Variants in TMTC2 observed in about 807,000 individuals in gnomAD.
TMTC2 encodes the protein protein O-mannosyl-transferase TMTC2.
Under a neutral mutation model 82.4 loss-of-function variants are expected in TMTC2, and 43 were observed. The observed-to-expected ratio is 0.52, with a 90% CI of 0.41 to 0.67. The LOEUF (loss-of-function observed/expected upper bound fraction) is 0.67. Ranked by LOEUF, TMTC2 falls within the 30% of genes least tolerant of loss-of-function variation. The probability of loss-of-function intolerance (pLI) is 0.00; values close to 1 mark genes in which losing one functional copy is unlikely to be tolerated. For synonymous variants in TMTC2, 408 were observed against 381.9 expected (o/e 1.07, Z -0.80); for missense variants, 919 against 1,012.4 (o/e 0.91, Z 1.25).
intron 1 of TMTC2, among the ~76,000 whole-genome samples, chr12:82,836,540 G>C (rs2137083221): frequency 6.6e-6 from 1 of 152,264 alleles, no homozygotes; most frequent in Non-Finnish European, 1.5e-5. Context: ...CTATAAGCCG[G>C]AAAAGGCAAG....
rs564654839 is a variant in TMTC2, at chr12:83,079,084, C to G, written c.2331+17253C>G. Among the ~76,000 whole-genome samples the G allele has an allele frequency of 4.6e-5, 7 of 152,084 alleles. No homozygotes were observed. The East Asian group carries it at 1.4e-3, about 29-fold the overall frequency. On this transcript the variant is annotated intron_variant, in intron 11 of 11. Transcript: ENST00000321196. Reference sequence around the variant, plus strand: ...ACTACAAAAAATTAATTGCTTAGATCACAGGAAGAGATGAGAACAGGTCTC... The same window carrying G: ...ACTACAAAAAATTAATTGCTTAGATGACAGGAAGAGATGAGAACAGGTCTC...
chr12:83,123,675 A>G (rs1002466566), intron 11 of TMTC2, among the ~76,000 whole-genome samples: 87 of 152,312 alleles, frequency 5.7e-4, no homozygotes, highest in African/African-American at 2.0e-3. Context: ...TAATCCCCAA[A>G]TTAATTGAAA....
rs1171177056 is a variant in TMTC2, at chr12:82,966,264, A to G, written c.1869+520A>G. Among the ~76,000 whole-genome samples, 4 of 152,128 alleles carry G rather than the reference A, an allele frequency of 2.6e-5. No individual in the cohort carries two copies. The East Asian group carries it at 7.7e-4, about 29-fold the overall frequency. ...TTTTATTATTTCTTAACTGAGGGAA[A>G]AGAAACAGTGGTGTAACAGGATGTT... On this transcript the variant is annotated intron_variant, in intron 6 of 11. Coordinates refer to ENST00000321196, the MANE Select transcript of TMTC2 (RefSeq NM_152588.3).
At chr12:82,741,507 T>C (rs1250464762) in intron 1 of TMTC2, among the ~76,000 whole-genome samples, 2 of 152,088 alleles carry the variant, frequency 1.3e-5, no homozygotes, top group East Asian at 1.9e-4. Flanking sequence ...GATGGGGTTT[T>C]ACCATGTTGG....
chr12:83,038,585 G>C (rs1194283080), intron 9 of TMTC2, among the ~76,000 whole-genome samples: 1 of 151,924 alleles, frequency 6.6e-6, no homozygotes, highest in Non-Finnish European at 1.5e-5. Context: ...AATCAAATGG[G>C]ATTATTTCCA....
intron 1 of TMTC2, among the ~76,000 whole-genome samples, chr12:82,794,348 T>G (rs759320322): frequency 6.6e-6 from 1 of 152,100 alleles, no homozygotes; most frequent in Non-Finnish European, 1.5e-5. Context: ...CTTCCCCATC[T>G]ACCAACTCAC....
At chr12:82,785,350 C>T (rs1878125355) in intron 1 of TMTC2, among the ~76,000 whole-genome samples, 1 of 143,762 alleles carries the variant, frequency 7.0e-6, no homozygotes, top group Non-Finnish European at 1.5e-5. Context: ...CCAAAATAAA[C>T]AAACAACCCC....
chr12:83,122,178 A>G (rs375166888), intron 11 of TMTC2, among the ~76,000 whole-genome samples: 1 of 151,416 alleles, frequency 6.6e-6, no homozygotes, highest in Non-Finnish European at 1.5e-5. Flanking sequence ...CTATGAAAGC[A>G]AGTTTCGCCG....
chr12:82,729,725 C>T (rs1347190600), intron 1 of TMTC2, among the ~76,000 whole-genome samples: 1 of 152,198 alleles, frequency 6.6e-6, no homozygotes, highest in Non-Finnish European at 1.5e-5. Flanking sequence ...TAAAAGCAGG[C>T]TGCCCAAGCT....
At chr12:82,956,654 A>G (rs1877631098) in intron 4 of TMTC2, among the ~76,000 whole-genome samples, 1 of 152,000 alleles carries the variant, frequency 6.6e-6, no homozygotes, top group Non-Finnish European at 1.5e-5. Context: ...GAGTTTAACC[A>G]TGTTGACCAG....
chr12:82,745,774 G>A (rs1875656265), intron 1 of TMTC2, among the ~76,000 whole-genome samples: 1 of 152,192 alleles, frequency 6.6e-6, no homozygotes, highest in Non-Finnish European at 1.5e-5. Flanking sequence ...GCAAATAGCT[G>A]CTAAAGAATA....
intron 1 of TMTC2, among the ~76,000 whole-genome samples, chr12:82,792,707 A>G (rs1053863501): frequency 3.3e-5 from 5 of 151,876 alleles, no homozygotes; most frequent in African/African-American, 1.2e-4. Context: ...AATGCCTCAA[A>G]TGATCCTCCC....
intron 3 of TMTC2, among the ~76,000 whole-genome samples, chr12:82,918,370 AC>A (rs147721828): frequency 6.6e-4 from 100 of 152,334 alleles, no homozygotes; most frequent in African/African-American, 2.2e-3. Flanking sequence ...TTGATTTCAA[AC>A]AAGTAACTCA....
At chr12:82,943,372 G>A (rs939454514) in intron 4 of TMTC2, among the ~76,000 whole-genome samples, 1 of 152,160 alleles carries the variant, frequency 6.6e-6, no homozygotes, top group East Asian at 1.9e-4. Context: ...TGAGACAATT[G>A]CTATTGGCAT....
chr12:83,116,766 C>G (rs1280048060), intron 11 of TMTC2, among the ~76,000 whole-genome samples: 3 of 152,010 alleles, frequency 2.0e-5, no homozygotes, highest in Non-Finnish European at 4.4e-5. Flanking sequence ...GTCCTTAGCC[C>G]ACTTTTTGAT....
intron 2 of TMTC2, among the ~76,000 whole-genome samples, chr12:82,871,950 C>T (rs1872202938): frequency 6.6e-6 from 1 of 151,330 alleles, no homozygotes. Context: ...AACCATTCTC[C>T]AGATAATTTG....
At chr12:83,055,183 C>G (rs1423891217) in intron 10 of TMTC2, among the ~76,000 whole-genome samples, 1 of 151,988 alleles carries the variant, frequency 6.6e-6, no homozygotes, top group African/African-American at 2.4e-5. Context: ...CCTCTGAATT[C>G]CATTCTCTTG....
intron 1 of TMTC2, among the ~76,000 whole-genome samples, chr12:82,739,078 G>T (rs1875262702): frequency 6.6e-6 from 1 of 151,628 alleles, no homozygotes; most frequent in Non-Finnish European, 1.5e-5. Context: ...AACGTGGGAG[G>T]TAGAGGTTGC....
intron 1 of TMTC2, among the ~76,000 whole-genome samples, chr12:82,848,009 A>G (rs1870783510): frequency 6.6e-6 from 1 of 152,160 alleles, no homozygotes; most frequent in Admixed American, 6.5e-5. Flanking sequence ...GTTAGGCTCC[A>G]AAAGATAAAT....
Sources: gnomAD v4.1 joint callset for allele counts (sites outside exome capture counted in the v4.1 genomes callset) on GRCh38, gnomAD v4.1.1 for gene constraint, MANE v1.5 for transcripts, NCBI Gene and HGNC (gene_info 2026-07-23, HGNC 2026-07-21) for gene names.